The following SLIT3 variants were observed in gnomAD, a reference collection of about 807,000 sequenced individuals.
The protein encoded by SLIT3 is slit guidance ligand 3.
In SLIT3, 68 loss-of-function variants were observed where a neutral mutation model predicts 184.0. The ratio of observed to expected loss-of-function variants is 0.37; its 90% CI spans 0.30 to 0.45. The LOEUF is 0.45. Among genes scored for constraint, SLIT3 ranks in the 20% least tolerant of loss-of-function variants. The pLI is 1.00. For missense variants in SLIT3, 1,707 were observed against 2,026.0 expected (o/e 0.84, Z 3.02); for synonymous variants, 831 against 828.6 (o/e 1.00, Z -0.05).
chr5:169,053,959 C>T (rs1049704632), intron 4 of SLIT3, among the ~76,000 whole-genome samples: 11 of 152,018 alleles, frequency 7.2e-5, no homozygotes, highest in African/African-American at 1.4e-4. Context: ...GGCCTGGTGG[C>T]GCACGCCTGT....
intron 5 of SLIT3, among the ~76,000 whole-genome samples, chr5:168,873,197 G>A (rs113974747): frequency 0.018 from 2,753 of 152,174 alleles, 82 homozygotes; most frequent in African/African-American, 0.063. Context: ...GGATCCCGCT[G>A]TAGCCTTGCC....
At chr5:168,900,270 A>T (rs1373522022) in intron 4 of SLIT3, among the ~76,000 whole-genome samples, 1 of 152,212 alleles carries the variant, frequency 6.6e-6, no homozygotes, top group Non-Finnish European at 1.5e-5. Context: ...CATTCAATCC[A>T]GCAATCCCAC....
At chr5:168,724,541 CT>C in intron 20 of SLIT3, 57 bp from the exon 21 acceptor site, 2 of 1,479,494 alleles carry the variant, frequency 1.4e-6, no homozygotes, top group East Asian at 2.3e-5. Context: ...AAATTCTCAC[CT>C]TTTCAGAGAA....
chr5:169,206,895 T>G (rs1581054706), intron 3 of SLIT3, among the ~76,000 whole-genome samples: 1 of 152,204 alleles, frequency 6.6e-6, no homozygotes, highest in East Asian at 1.9e-4. Flanking sequence ...AGGTCCAAGG[T>G]TTTTTTGTTA....
At chr5:169,143,963 C>T (rs1471673253) in intron 4 of SLIT3, among the ~76,000 whole-genome samples, 1 of 152,194 alleles carries the variant, frequency 6.6e-6, no homozygotes, top group African/African-American at 2.4e-5. Context: ...ATGTCCTATT[C>T]TCTCAGCTGC....
At chr5:168,911,571 C>A (rs956720418) in intron 4 of SLIT3, among the ~76,000 whole-genome samples, 11 of 152,222 alleles carry the variant, frequency 7.2e-5, no homozygotes, top group Admixed American at 7.2e-4. Context: ...TACATACATG[C>A]ATTCTGGCAG....
At chr5:168,738,222 T>C (rs1383098049) in intron 20 of SLIT3, among the ~76,000 whole-genome samples, 1 of 152,242 alleles carries the variant, frequency 6.6e-6, no homozygotes, top group African/African-American at 2.4e-5. Flanking sequence ...ACATTTGCAC[T>C]GATGGTACAA....
chr5:168,688,861 A>G (rs143842201), intron 29 of SLIT3, among the ~76,000 whole-genome samples: 6 of 152,318 alleles, frequency 3.9e-5, no homozygotes, highest in Non-Finnish European at 8.8e-5. Flanking sequence ...GTTGCAGAAC[A>G]ACTTAAGCTA....
chr5:169,003,776 T>A (rs932670465), intron 4 of SLIT3, among the ~76,000 whole-genome samples: 3 of 152,220 alleles, frequency 2.0e-5, no homozygotes, highest in African/African-American at 7.2e-5. Flanking sequence ...AGAATAAATA[T>A]GAAATGGCTT....
At chr5:168,932,244 T>A (rs947601688) in intron 4 of SLIT3, among the ~76,000 whole-genome samples, 1 of 128,564 alleles carries the variant, frequency 7.8e-6, no homozygotes. Flanking sequence ...ACACAGTTTT[T>A]TTGTTGTTGT....
At chr5:169,212,658 C>T (rs114653368) in intron 3 of SLIT3, among the ~76,000 whole-genome samples, 2 of 152,236 alleles carry the variant, frequency 1.3e-5, no homozygotes, top group Middle Eastern at 6.8e-3. Flanking sequence ...GTTGCCATTG[C>T]TTTAGACATG....
intron 13 of SLIT3, among the ~76,000 whole-genome samples, 154 bp from the exon 14 acceptor site, chr5:168,773,098 C>T (rs1197497497): frequency 1.3e-5 from 2 of 152,156 alleles, no homozygotes; most frequent in African/African-American, 4.8e-5. Context: ...TACTTTCAGA[C>T]AGGGCTCAAA....
intron 4 of SLIT3, among the ~76,000 whole-genome samples, chr5:169,128,213 CA>C (rs1460867429): frequency 2.0e-5 from 3 of 148,682 alleles, no homozygotes; most frequent in African/African-American, 7.4e-5. Context: ...TTCTTTGGGA[CA>C]CGGGTCATGG....
At chr5:168,944,359 A>G (rs1400140770) in intron 4 of SLIT3, among the ~76,000 whole-genome samples, 1 of 152,194 alleles carries the variant, frequency 6.6e-6, no homozygotes, top group Non-Finnish European at 1.5e-5. Context: ...CTGGTAGACA[A>G]TCTGTCTCTC....
intron 4 of SLIT3, among the ~76,000 whole-genome samples, chr5:169,173,665 T>C (rs555666428): frequency 1.1e-4 from 16 of 152,180 alleles, no homozygotes; most frequent in Non-Finnish European, 2.1e-4. Context: ...CTTAGGTCGT[T>C]CTTGAGAATA....
intron 4 of SLIT3, among the ~76,000 whole-genome samples, chr5:169,140,308 CA>C (rs10536624): frequency 3.6e-3 from 153 of 42,046 alleles, no homozygotes; most frequent in Non-Finnish European, 5.7e-3. Context: ...ACTAAAAATG[CA>C]AAAAAAAAAA....
At position 168,669,897 on chromosome 5, in the gene SLIT3, A is replaced by T; in HGVS notation, c.4222T>A (p.Ser1408Thr). The change falls in exon 35 of 36, where the codon TCT (serine) becomes ACT (threonine). Residue 1408 changes from serine to threonine, a missense_variant. Ser to Thr is a moderately conservative substitution (Grantham distance 58, BLOSUM62 1). This residue lies in a region of SLIT3 where 387 missense variants were observed against 477.9 expected (regional missense o/e 0.81). Transcript: ENST00000519560. ...TTGAAGGCTGAGCAGGCATTGGCAG[A>T]GTCATTCTTGTTGTCACACAAGTCC... ...GGDLCDNKND[S>T]ANACSAFKCH... 6.2e-7 allele frequency: 1 copy of T among 1,614,176 alleles called. No individual in the cohort carries two copies. Among genetic ancestry groups the T allele is most frequent in the Non-Finnish European group, 8.5e-7 (1 of 1,180,010 alleles).
At chr5:168,846,938 A>T (rs1232800532) in intron 5 of SLIT3, among the ~76,000 whole-genome samples, 2 of 38,764 alleles carry the variant, frequency 5.2e-5, no homozygotes, top group African/African-American at 3.3e-4. Context: ...GAAAGAGAAT[A>T]AAAAAAGTAT....
chr5:169,082,825 T>C (rs1224976843), intron 4 of SLIT3, among the ~76,000 whole-genome samples: 1 of 152,252 alleles, frequency 6.6e-6, no homozygotes. Flanking sequence ...TCAGCAACTG[T>C]ATGCAACTTC....
Sources: gnomAD v4.1 joint callset for allele counts (sites outside exome capture counted in the v4.1 genomes callset) on GRCh38, gnomAD v4.1.1 for gene constraint, gnomAD v4.1.1 regional missense constraint, MANE v1.5 for transcripts, NCBI Gene and HGNC (gene_info 2026-07-23, HGNC 2026-07-21) for gene names.